Variants in WDR44 observed in about 807,000 individuals in gnomAD.
WDR44 encodes the protein WD repeat domain 44, also known as WD repeat-containing protein 44.
Under a neutral mutation model 65.7 loss-of-function variants are expected in WDR44, and 9 were observed. That is an observed-to-expected ratio of 0.14 (90% CI 0.08 to 0.24). The LOEUF (loss-of-function observed/expected upper bound fraction) is 0.24. Ranked by LOEUF, WDR44 falls within the 10% of genes least tolerant of loss-of-function variation. The pLI is 1.00. For synonymous variants in WDR44, 220 were observed against 235.2 expected (o/e 0.94, Z 0.59); for missense variants, 425 against 670.9 (o/e 0.63, Z 4.05).
intron 17 of WDR44, 92 bp from the exon 18 acceptor site, chrX:118,443,468 G>T (rs1177498546): frequency 3.9e-6 from 4 of 1,023,893 alleles, no homozygotes; most frequent in Non-Finnish European, 2.7e-6. Flanking sequence ...TGTTATTTTA[G>T]GTATCACAAA....
In WDR44 at chrX:118,410,876, A is replaced by G. The variant is rs775647576; in HGVS notation, c.1673-19A>G. The stretch of plus-strand genomic sequence containing the variant: ...TGTGTACATACATGCCTTTTTTACA[A>G]TTATTATGTTGTTTTTAGGACGTGT... On this transcript the variant is annotated intron_variant, in intron 11 of 19. Coordinates refer to ENST00000254029, the MANE Select transcript of WDR44 (RefSeq NM_019045.5). The G allele has an allele frequency of 2.6e-5, 31 of 1,191,154 alleles. No homozygotes were observed. Among genetic ancestry groups the G allele is most frequent in the East Asian group, 1.5e-4 (5 of 33,240 alleles).
At chrX:118,393,762 T>C (rs1015034941) in intron 4 of WDR44, among the ~76,000 whole-genome samples, 1 of 112,107 alleles carries the variant, frequency 8.9e-6, no homozygotes, top group Admixed American at 9.5e-5. Context: ...TTGGTGAAAA[T>C]TACTTTACTG....
chrX:118,436,938 T>A, intron 14 of WDR44, 114 bp downstream of exon 14: 1 of 697,695 alleles, frequency 1.4e-6, no homozygotes, highest in Non-Finnish European at 2.0e-6. Flanking sequence ...TACATAGTTA[T>A]GAGCAATTTA....
At chrX:118,412,355 G>A (rs777355651) in intron 12 of WDR44, among the ~76,000 whole-genome samples, 1 of 111,583 alleles carries the variant, frequency 9.0e-6, no homozygotes, top group African/African-American at 3.3e-5. Context: ...GCAGGGTGGG[G>A]CTTTGAAGGA....
chrX:118,362,893 T>G (rs2056523065), intron 1 of WDR44, among the ~76,000 whole-genome samples: 1 of 106,439 alleles, frequency 9.4e-6, no homozygotes, highest in Non-Finnish European at 1.9e-5. Flanking sequence ...GAACTGGGCA[T>G]CCTTTATTTT....
At chrX:118,390,051 G>A (rs1176467192) in intron 3 of WDR44, among the ~76,000 whole-genome samples, 3 of 105,786 alleles carry the variant, frequency 2.8e-5, no homozygotes, top group Admixed American at 1.1e-4. Context: ...ACACCACCAC[G>A]CCAGGCTAAT....
Position 118,400,960 on chromosome X carries a change from A to T in WDR44, c.1274+2490A>T, listed in dbSNP as rs772444723. ...TTGCGATAGTTTACTGAGAATGATG[A>T]TTTCCAATTTCATCCATGTCCCTAC... On this transcript the variant is annotated intron_variant, in intron 8 of 19. Transcript: ENST00000254029. Among the ~76,000 whole-genome samples, 8 of 87,806 alleles carry T rather than the reference A, an allele frequency of 9.1e-5. No individual in the cohort carries two copies. The South Asian group carries it at 4.9e-3, about 54-fold the overall frequency. 76.2% of individuals were successfully genotyped at this position (87,806 alleles called of 115,157 possible).
At chrX:118,416,529 T>C (rs1482724743) in intron 12 of WDR44, among the ~76,000 whole-genome samples, 1 of 111,818 alleles carries the variant, frequency 8.9e-6, no homozygotes, top group Non-Finnish European at 1.9e-5. Context: ...CCAGTTTTAT[T>C]CCACTGTAGT....
At chrX:118,389,219 G>A (rs917835393) in intron 3 of WDR44, among the ~76,000 whole-genome samples, 3 of 112,051 alleles carry the variant, frequency 2.7e-5, no homozygotes, top group Non-Finnish European at 3.8e-5. Flanking sequence ...GATATACCCT[G>A]GACGAGGGCA....
chrX:118,447,283 A>T (rs1302791539), intron 19 of WDR44, among the ~76,000 whole-genome samples: 1 of 111,264 alleles, frequency 9.0e-6, no homozygotes, highest in Non-Finnish European at 1.9e-5. Context: ...GAGGAAAAGT[A>T]AAAAGTACAG....
At chrX:118,441,605 A>G in intron 15 of WDR44, 46 bp downstream of exon 15, 1 of 1,100,788 alleles carries the variant, frequency 9.1e-7, no homozygotes. Context: ...TACTTAGTAA[A>G]CACTTTCATG....
rs747233395 is a variant in WDR44, at chrX:118,447,301, T to C, written c.2648-1592T>C. ...GAAAAGTAAAAAGTACAGGGTTTTTTTTAACTTCTCAAAAATATACCACAT... is the reference window on the plus strand; with the variant it reads ...GAAAAGTAAAAAGTACAGGGTTTTTCTTAACTTCTCAAAAATATACCACAT... On this transcript the variant is annotated intron_variant, in intron 19 of 19. Transcript: ENST00000254029. Among the ~76,000 whole-genome samples, 7 of 111,581 alleles carry C rather than the reference T, an allele frequency of 6.3e-5. No individual in the cohort carries two copies. The South Asian group carries it at 2.6e-3, about 42-fold the overall frequency.
At chrX:118,439,987 G>T (rs1329940601) in intron 14 of WDR44, among the ~76,000 whole-genome samples, 1 of 107,052 alleles carries the variant, frequency 9.3e-6, no homozygotes, top group African/African-American at 3.4e-5. Flanking sequence ...CGGTATGGTG[G>T]TGTGCTTCTG....
intron 13 of WDR44, among the ~76,000 whole-genome samples, chrX:118,435,928 T>A (rs1057431728): frequency 3.6e-5 from 4 of 112,297 alleles, no homozygotes; most frequent in African/African-American, 1.3e-4. Context: ...TTGCCTTGAT[T>A]TGTTTAGCAC....
intron 14 of WDR44, among the ~76,000 whole-genome samples, chrX:118,438,094 C>T (rs1234024051): frequency 9.1e-6 from 1 of 110,414 alleles, no homozygotes; most frequent in Non-Finnish European, 1.9e-5. Context: ...CTATAATCTC[C>T]GCACTTTGGG....
At chrX:118,406,836 A>C in intron 9 of WDR44, 39 bp from the exon 10 acceptor site, 4 of 1,132,443 alleles carry the variant, frequency 3.5e-6, no homozygotes, top group Non-Finnish European at 3.5e-6. Context: ...AGCAATATCT[A>C]CATTAGCTAG....
At chrX:118,434,600 C>T (rs776371546) in intron 13 of WDR44, among the ~76,000 whole-genome samples, 43 of 111,309 alleles carry the variant, frequency 3.9e-4, no homozygotes, top group African/African-American at 1.2e-3. Context: ...GTCTGAGAAG[C>T]ACTAGTCTAG....
chrX:118,448,279 T>C (rs1197297764), intron 19 of WDR44, among the ~76,000 whole-genome samples: 1 of 112,021 alleles, frequency 8.9e-6, no homozygotes, highest in East Asian at 2.8e-4. Context: ...TAGAGTTAGT[T>C]AACACTGAAT....
chrX:118,381,570 T>G (rs745576329), intron 2 of WDR44, among the ~76,000 whole-genome samples: 275 of 90,596 alleles, frequency 3.0e-3, no homozygotes, highest in East Asian at 0.01. Flanking sequence ...TCTTTCGTTC[T>G]TTCTTCTTTT....
Sources: allele counts gnomAD v4.1 joint callset (sites outside exome capture counted in the v4.1 genomes callset), GRCh38; gene constraint gnomAD v4.1.1; transcripts MANE v1.5; gene names NCBI Gene and HGNC (gene_info 2026-07-23, HGNC 2026-07-21).